Variants in KLHDC4 observed in about 807,000 individuals in gnomAD.
The protein encoded by KLHDC4 is kelch domain containing 4.
KLHDC4 carries 90 observed loss-of-function variants against 62.4 expected under a neutral mutation model. The ratio of observed to expected loss-of-function variants is 1.44; its 90% confidence interval spans 1.22 to 1.72. KLHDC4 has a LOEUF of 1.72. Among genes scored for constraint, KLHDC4 ranks in the 40% most tolerant of loss-of-function variants. KLHDC4 has a pLI of 0.00. For synonymous variants in KLHDC4, 386 were observed against 284.4 expected (o/e 1.36, Z -3.59); for missense variants, 1,025 against 699.7 (o/e 1.47, Z -5.25).
chr16:87,699,959 T>C (rs947346897), exon 1 of KLHDC4: 3 of 152,262 alleles, frequency 2.0e-5, no homozygotes, highest in Non-Finnish European at 4.4e-5. Flanking sequence ...CTTTTGCAGT[T>C]CAGGTTCTTG....
intron 1 of KLHDC4, chr16:87,765,337 C>T (rs1221076620): frequency 4.4e-6 from 2 of 457,332 alleles, no homozygotes; most frequent in Admixed American, 2.3e-5. Context: ...TGATTATTTG[C>T]CCTCTTTTGA....
At chr16:87,712,576 G>C (rs907535263) in intron 8 of KLHDC4, among the ~76,000 whole-genome samples, 1 of 152,262 alleles carries the variant, frequency 6.6e-6, no homozygotes. Context: ...CCAGCATCCA[G>C]GTTCAAGTTC....
intron 2 of KLHDC4, among the ~76,000 whole-genome samples, chr16:87,760,476 G>T (rs552043407): frequency 3.3e-5 from 5 of 151,278 alleles, no homozygotes; most frequent in African/African-American, 4.9e-5. Context: ...GCTTGGTGGC[G>T]GGTGCCTGTA....
At chr16:87,747,014 C>T (rs957370879) in intron 5 of KLHDC4, among the ~76,000 whole-genome samples, 9 of 152,228 alleles carry the variant, frequency 5.9e-5, no homozygotes, top group Admixed American at 4.6e-4. Flanking sequence ...CCGCAGCTGC[C>T]GGCCCAAGAG....
chr16:87,765,805 G>T lies in KLHDC4; in HGVS notation c.86C>A (p.Ser29Ter). Residue 29 changes from serine (S) to a stop codon, truncating the protein, a stop_gained, in exon 1 of 12, where the codon TCG (serine) becomes TAG (stop). Coordinates refer to ENST00000270583, the MANE Select transcript of KLHDC4 (RefSeq NM_017566.4). LOFTEE classifies it high-confidence loss of function. ...TGACCCGCTCACCTCCTCCTTCCGC[G>T]AGCGCTTAGACACCTTCTTCTCCAT... The part of the protein sequence containing the change: ...AKMEKKVSKR[S>*]RKEEEDLEAL... The T allele has an allele frequency of 6.4e-7, 1 of 1,570,220 alleles. No individual in the cohort carries two copies. The highest frequency in any genetic ancestry group is 1.2e-5 in the South Asian group (1 of 85,558).
In KLHDC4 at chr16:87,735,409, C is replaced by T. The variant is rs372201660; in HGVS notation, c.507-4765G>A. Among the ~76,000 whole-genome samples the T allele has an allele frequency of 3.9e-4, 59 of 152,296 alleles. No homozygotes were observed. The South Asian group carries it at 0.011, about 28-fold the overall frequency. On this transcript the variant is annotated intron_variant, in intron 5 of 11. Transcript: ENST00000270583. ...CGCTGCCACTGCCGTCCCCAACCAGCGAGGGAACACAGGCCTGGGGCCTGC... is the reference window on the plus strand; with the variant it reads ...CGCTGCCACTGCCGTCCCCAACCAGTGAGGGAACACAGGCCTGGGGCCTGC...
chr16:87,756,653 C>A (rs900476760), intron 2 of KLHDC4, among the ~76,000 whole-genome samples, 176 bp from the exon 3 acceptor site: 1 of 150,714 alleles, frequency 6.6e-6, no homozygotes, highest in African/African-American at 2.4e-5. Context: ...AACCCCTCTA[C>A]CAGTGCCCAG....
intron 3 of KLHDC4, 184 bp from the exon 4 acceptor site, chr16:87,755,476 G>C: frequency 2.1e-6 from 1 of 474,260 alleles, no homozygotes; most frequent in South Asian, 2.1e-5. Context: ...CAATGAAAAC[G>C]ACCGAACGCC....
intron 5 of KLHDC4, among the ~76,000 whole-genome samples, chr16:87,735,244 G>A (rs1254142493): frequency 6.7e-6 from 1 of 150,184 alleles, no homozygotes; most frequent in African/African-American, 2.5e-5. Flanking sequence ...AGCTTGCAGT[G>A]AGCAGAGATC....
Position 87,748,815 on chromosome 16 carries a change from A to T in KLHDC4, c.370-6T>A. On this transcript the variant is annotated splice_polypyrimidine_tract_variant and splice_region_variant and intron_variant, in intron 4 of 11. Coordinates refer to ENST00000270583, the MANE Select transcript of KLHDC4 (RefSeq NM_017566.4). ...CCTTGAGGCACTACCACCGCCTGTGAAAAGAAAGGTGACAGGTCAGGGCAC... is the reference window on the plus strand; with the variant it reads ...CCTTGAGGCACTACCACCGCCTGTGTAAAGAAAGGTGACAGGTCAGGGCAC... 2 of 1,611,976 alleles carry T rather than the reference A, an allele frequency of 1.2e-6. No homozygotes were observed. Among genetic ancestry groups the T allele is most frequent in the Non-Finnish European group, 1.7e-6 (2 of 1,179,604 alleles).
At chr16:87,711,178 C>T in intron 9 of KLHDC4, 57 bp downstream of exon 9, 2 of 1,576,142 alleles carry the variant, frequency 1.3e-6, no homozygotes, top group South Asian at 1.1e-5. Flanking sequence ...GCAGTGGTGG[C>T]AGGGACCCAA....
chr16:87,746,391 CAG>C (rs918961905), intron 5 of KLHDC4, among the ~76,000 whole-genome samples: 8 of 151,874 alleles, frequency 5.3e-5, no homozygotes, highest in African/African-American at 1.7e-4. Flanking sequence ...GAGAAAGAGA[CAG>C]AGAGAGAAAG....
Position 87,714,533 on chromosome 16 carries a change from T to A in KLHDC4, c.800A>T (p.Asp267Val). ...KDVDKGTRHSDMFLLKPEDGR... is the reference protein window; with the variant it reads ...KDVDKGTRHSVMFLLKPEDGR... ...GTCCTCTGGCTTCAGCAGGAACATG[T>A]CTGAGTGCCGTGTGCCCTTGTCCAC... Residue 267 changes from aspartate (D) to valine (V), a missense_variant, in exon 8 of 12, where the codon GAC (aspartate) becomes GTC (valine). Coordinates refer to ENST00000270583, the MANE Select transcript of KLHDC4 (RefSeq NM_017566.4). 6.2e-7 allele frequency: 1 copy of A among 1,614,164 alleles called. No homozygotes were observed. The highest frequency in any genetic ancestry group is 1.3e-5 in the African/African-American group (1 of 75,050).
intron 5 of KLHDC4, 80 bp from the exon 6 acceptor site, chr16:87,730,724 C>G (rs1454901012): frequency 8.6e-7 from 1 of 1,164,004 alleles, no homozygotes; most frequent in East Asian, 2.4e-5. Context: ...CAAACAAAAT[C>G]CAATTTTTAC....
chr16:87,707,460 A>G (rs779611069), downstream of KLHDC4, among the ~76,000 whole-genome samples: 5 of 152,070 alleles, frequency 3.3e-5, no homozygotes, highest in Non-Finnish European at 5.9e-5. Context: ...AGCCCCCACC[A>G]CGAGACCCCC....
intron 6 of KLHDC4, among the ~76,000 whole-genome samples, chr16:87,729,539 A>G (rs1229173686): frequency 6.6e-6 from 1 of 152,134 alleles, no homozygotes; most frequent in East Asian, 1.9e-4. Flanking sequence ...AACAGGGATA[A>G]CCAGCTCCCC....
chr16:87,732,063 G>C (rs1048379857), intron 5 of KLHDC4, among the ~76,000 whole-genome samples: 1 of 151,026 alleles, frequency 6.6e-6, no homozygotes, highest in African/African-American at 2.4e-5. Context: ...CCTACATCTT[G>C]TCTGTGGTGC....
In KLHDC4 at chr16:87,760,115, C is replaced by T. The variant is rs576631932; in HGVS notation, c.191+1834G>A. On this transcript the variant is annotated intron_variant, in intron 2 of 11. Transcript: ENST00000270583. The stretch of plus-strand genomic sequence containing the variant: ...AGATCTTAATCTCAGGATAACTGCT[C>T]CCTCCTATTAGGAAGCATTTCCAGC... Among the ~76,000 whole-genome samples the T allele has an allele frequency of 6.8e-4, 103 of 151,916 alleles. 1 individual carries two copies. The highest frequency in any genetic ancestry group is 1.3e-3 in the Non-Finnish European group (86 of 67,990).
chr16:87,765,761 C>G (rs911288114), intron 1 of KLHDC4, 31 bp downstream of exon 1: 1 of 1,549,750 alleles, frequency 6.5e-7, no homozygotes, highest in South Asian at 1.2e-5. Context: ...GCCGCGACGT[C>G]GGGCCGCTAA....
Sources: gnomAD v4.1 joint callset for allele counts (sites outside exome capture counted in the v4.1 genomes callset) on GRCh38, gnomAD v4.1.1 for gene constraint, MANE v1.5 for transcripts, NCBI Gene and HGNC (gene_info 2026-07-23, HGNC 2026-07-21) for gene names.